Variants in KCNMB2 observed in about 807,000 individuals in gnomAD.
KCNMB2 encodes the protein potassium calcium-activated channel subfamily M regulatory beta subunit 2, also known as calcium-activated potassium channel subunit beta-2.
Under a neutral mutation model 24.5 loss-of-function variants are expected in KCNMB2, and 9 were observed. The observed-to-expected ratio is 0.37, with a 90% CI of 0.22 to 0.64. KCNMB2 has a LOEUF of 0.64. Ranked by LOEUF, KCNMB2 falls within the 30% of genes least tolerant of loss-of-function variation. KCNMB2 has a pLI of 0.63. For missense variants in KCNMB2, 226 were observed against 284.3 expected, an observed-to-expected ratio of 0.79 and a Z score of 1.47; for synonymous variants, 109 against 104.4, an observed-to-expected ratio of 1.04 and a Z score of -0.27.
intron 1 of KCNMB2, among the ~76,000 whole-genome samples, chr3:178,624,463 C>T (rs976955663): frequency 6.6e-6 from 1 of 151,932 alleles, no homozygotes; most frequent in African/African-American, 2.4e-5. Flanking sequence ...TTTTCTCCTT[C>T]CAACATACTT....
intron 1 of KCNMB2, among the ~76,000 whole-genome samples, chr3:178,569,950 T>C (rs1007100360): frequency 1.3e-5 from 2 of 152,216 alleles, no homozygotes; most frequent in Admixed American, 1.3e-4. Flanking sequence ...AACTGTGTTA[T>C]TATCTTGAAA....
intron 1 of KCNMB2, among the ~76,000 whole-genome samples, chr3:178,549,406 G>A (rs994859466): frequency 6.7e-6 from 1 of 149,796 alleles, no homozygotes; most frequent in Non-Finnish European, 1.5e-5. Flanking sequence ...TGCCTCCTGG[G>A]TTCAAGCGAT....
At chr3:178,555,844 A>T (rs1716108849) in intron 1 of KCNMB2, among the ~76,000 whole-genome samples, 1 of 152,188 alleles carries the variant, frequency 6.6e-6, no homozygotes. Flanking sequence ...GTTATACTAG[A>T]CTCACAAAGC....
intron 1 of KCNMB2, among the ~76,000 whole-genome samples, chr3:178,758,489 G>A (rs1407613225): frequency 3.0e-5 from 1 of 33,416 alleles, no homozygotes; most frequent in African/African-American, 1.4e-4. Context: ...TCCAAGAGGT[G>A]ATTGATATAT....
At chr3:178,661,943 C>T (rs1191097969) in intron 1 of KCNMB2, among the ~76,000 whole-genome samples, 3 of 152,030 alleles carry the variant, frequency 2.0e-5, no homozygotes, top group Non-Finnish European at 4.4e-5. Flanking sequence ...TCCCATTTTA[C>T]AGATGAGGAA....
At chr3:178,780,525 G>C (rs2108430850) in intron 1 of KCNMB2, among the ~76,000 whole-genome samples, 1 of 152,258 alleles carries the variant, frequency 6.6e-6, no homozygotes, top group East Asian at 1.9e-4. Flanking sequence ...TGACTTGGTA[G>C]AAATAATAAA....
At chr3:178,693,500 A>AGATAATT (rs1721758918) in intron 1 of KCNMB2, among the ~76,000 whole-genome samples, 1 of 152,272 alleles carries the variant, frequency 6.6e-6, no homozygotes, top group East Asian at 1.9e-4. Context: ...ACATATATTG[A>AGATAATT]GATAATTATG....
chr3:178,593,740 G>A (rs926867336), intron 1 of KCNMB2, among the ~76,000 whole-genome samples: 2 of 151,138 alleles, frequency 1.3e-5, no homozygotes, highest in African/African-American at 4.9e-5. Flanking sequence ...TCTTTCCCGT[G>A]TTGCAATGTC....
chr3:178,720,254 G>A (rs1202622423), intron 1 of KCNMB2, among the ~76,000 whole-genome samples: 3 of 151,532 alleles, frequency 2.0e-5, no homozygotes, highest in African/African-American at 7.3e-5. Context: ...CCTTGCAATA[G>A]TTTACTGAGA....
At chr3:178,703,794 T>G (rs186702264) in intron 1 of KCNMB2, among the ~76,000 whole-genome samples, 1 of 152,318 alleles carries the variant, frequency 6.6e-6, no homozygotes, top group Admixed American at 6.5e-5. Flanking sequence ...CCCAGCTTGC[T>G]GTAGACCCAA....
chr3:178,611,615 G>A (rs1486300078), intron 1 of KCNMB2, among the ~76,000 whole-genome samples: 2 of 152,166 alleles, frequency 1.3e-5, no homozygotes, highest in African/African-American at 4.8e-5. Context: ...TGAGGCAGGA[G>A]AATGGTGTGA....
intron 1 of KCNMB2, among the ~76,000 whole-genome samples, chr3:178,595,165 C>A (rs1408065789): frequency 1.3e-5 from 2 of 151,654 alleles, no homozygotes; most frequent in Admixed American, 1.3e-4. Flanking sequence ...TTGTCACATC[C>A]TCACATGATG....
Position 178,843,325 on chromosome 3 carries a change from G to T in KCNMB2, c.*388G>T. 2.5e-6 allele frequency: 1 copy of T among 394,694 alleles called. No homozygotes were observed. Among genetic ancestry groups the T allele is most frequent in the South Asian group, 1.8e-5 (1 of 54,138 alleles). The allele number at this position is 394,694 out of a possible 1,614,324, so 24.4% of individuals were successfully genotyped here. Reference sequence around the variant, plus strand: ...AAGACAATATTTTTCATCACTTATTGTTTACTAAAGCTACAGCCAAAAATA... The same window carrying T: ...AAGACAATATTTTTCATCACTTATTTTTTACTAAAGCTACAGCCAAAAATA... On this transcript the variant is annotated 3_prime_UTR_variant, in exon 5 of 5. Coordinates refer to ENST00000452583, the MANE Select transcript of KCNMB2 (RefSeq NM_181361.3).
At chr3:178,702,120 A>G (rs1290587513) in intron 1 of KCNMB2, among the ~76,000 whole-genome samples, 1 of 152,014 alleles carries the variant, frequency 6.6e-6, no homozygotes, top group Non-Finnish European at 1.5e-5. Context: ...TGATGAGTTC[A>G]TGTCCTTTGT....
intron 4 of KCNMB2, among the ~76,000 whole-genome samples, chr3:178,837,893 C>T (rs1715290804): frequency 6.6e-6 from 1 of 152,064 alleles, no homozygotes; most frequent in Non-Finnish European, 1.5e-5. Context: ...TATTTTTAAG[C>T]TGAATCAATT....
At chr3:178,601,110 C>T (rs542680647) in intron 1 of KCNMB2, among the ~76,000 whole-genome samples, 3 of 150,728 alleles carry the variant, frequency 2.0e-5, no homozygotes, top group Admixed American at 6.6e-5. Flanking sequence ...AACCAGACAC[C>T]GCATGTTCTC....
intron 1 of KCNMB2, among the ~76,000 whole-genome samples, chr3:178,703,016 T>C (rs1722155208): frequency 1.3e-5 from 2 of 152,200 alleles, no homozygotes; most frequent in Middle Eastern, 3.2e-3. Context: ...ATTAGTTATG[T>C]AGTTAATTGT....
In KCNMB2 at chr3:178,544,200, G is replaced by A. The variant is rs542508705; in HGVS notation, c.-68+7489G>A. 2.0e-5 allele frequency among the ~76,000 whole-genome samples: 3 copies of A among 152,262 alleles called. No homozygotes were observed. In the South Asian group the frequency reaches 6.2e-4, roughly 32 times the overall value. On this transcript the variant is annotated intron_variant, in intron 1 of 4. Transcript: ENST00000452583. The stretch of plus-strand genomic sequence containing the variant: ...AAATCATACACCTCAGAAATACAGT[G>A]CTGCAGGGAATTATTTTATAATAAT...
At chr3:178,561,315 G>T (rs1288847216) in intron 1 of KCNMB2, among the ~76,000 whole-genome samples, 1 of 152,176 alleles carries the variant, frequency 6.6e-6, no homozygotes, top group Non-Finnish European at 1.5e-5. Context: ...AGAGATTACT[G>T]TAAGTAGCAC....
Sources: gnomAD v4.1 joint callset for allele counts (sites outside exome capture counted in the v4.1 genomes callset) on GRCh38, gnomAD v4.1.1 for gene constraint, MANE v1.5 for transcripts, NCBI Gene and HGNC (gene_info 2026-07-23, HGNC 2026-07-21) for gene names.